Variants in ARHGAP8 observed in about 807,000 individuals in gnomAD.
ARHGAP8 encodes Rho GTPase activating protein 8, also known as rho GTPase-activating protein 8.
In ARHGAP8, 62 loss-of-function variants were observed where a neutral mutation model predicts 46.1. The observed-to-expected ratio is 1.34, with a 90% CI of 1.10 to 1.66. The LOEUF is 1.66. ARHGAP8 is among the 40% of genes most tolerant of loss of function. The probability of loss-of-function intolerance (pLI) is 0.00; values close to 1 mark genes in which losing one functional copy is unlikely to be tolerated. For synonymous variants in ARHGAP8, 375 were observed against 243.1 expected (o/e 1.54, Z -5.05); for missense variants, 923 against 568.4 (o/e 1.62, Z -6.34).
intron 7 of ARHGAP8, among the ~76,000 whole-genome samples, chr22:44,829,781 C>T (rs1455345587): frequency 6.6e-6 from 1 of 152,158 alleles, no homozygotes; most frequent in Non-Finnish European, 1.5e-5. Flanking sequence ...TGTTAATTTG[C>T]CAAGTTCAAA....
At chr22:44,849,876 G>C (rs895688539) in intron 10 of ARHGAP8, 3 of 152,162 alleles carry the variant, frequency 2.0e-5, no homozygotes, top group African/African-American at 7.2e-5. Context: ...CCTTTGTCCT[G>C]GCCCCTGGGG....
chr22:44,790,488 C>T (rs183419626), intron 2 of ARHGAP8, among the ~76,000 whole-genome samples: 67 of 151,820 alleles, frequency 4.4e-4, no homozygotes, highest in African/African-American at 1.6e-3. Context: ...CCAGCCTGCC[C>T]AACATGGTGA....
At chr22:44,773,321 C>G (rs1302571983) in intron 1 of ARHGAP8, among the ~76,000 whole-genome samples, 1 of 152,194 alleles carries the variant, frequency 6.6e-6, no homozygotes, top group Admixed American at 6.5e-5. Context: ...GTGATGTCTC[C>G]TGTCTCAAGA....
intron 4 of ARHGAP8, 57 bp from the exon 5 acceptor site, chr22:44,814,615 C>G: frequency 2.0e-6 from 3 of 1,496,188 alleles, no homozygotes; most frequent in Non-Finnish European, 2.8e-6. Context: ...GGTTATTGGG[C>G]GTGGGGTGTT....
At chr22:44,761,779 A>T (rs887291045) in intron 1 of ARHGAP8, among the ~76,000 whole-genome samples, 1 of 152,334 alleles carries the variant, frequency 6.6e-6, no homozygotes, top group East Asian at 1.9e-4. Flanking sequence ...AAAGAGGTTT[A>T]ATTGACTTAC....
At chr22:44,846,069 G>A (rs559405607) in intron 8 of ARHGAP8, among the ~76,000 whole-genome samples, 22 of 151,604 alleles carry the variant, frequency 1.5e-4, no homozygotes, top group South Asian at 2.1e-4. Context: ...TCCAGAGCTC[G>A]GCTCAACAGT....
At chr22:44,832,090 A>G (rs1483313434) in intron 7 of ARHGAP8, among the ~76,000 whole-genome samples, 1 of 151,972 alleles carries the variant, frequency 6.6e-6, no homozygotes, top group East Asian at 1.9e-4. Flanking sequence ...ATCCATGAAC[A>G]TGGGATGTCT....
chr22:44,812,262 C>A (rs1929386753), intron 4 of ARHGAP8, among the ~76,000 whole-genome samples: 2 of 152,010 alleles, frequency 1.3e-5, no homozygotes, highest in Non-Finnish European at 2.9e-5. Flanking sequence ...CAGGGTGAAC[C>A]TTGCAGCAGC....
intron 11 of ARHGAP8, among the ~76,000 whole-genome samples, chr22:44,861,141 TTTG>T (rs1485612667): frequency 6.6e-6 from 1 of 152,028 alleles, no homozygotes; most frequent in Non-Finnish European, 1.5e-5. Flanking sequence ...CCGGCTAATT[TTTG>T]TTTTTTTAGT....
intron 1 of ARHGAP8, among the ~76,000 whole-genome samples, chr22:44,762,241 C>T (rs1437200091): frequency 1.3e-5 from 2 of 152,060 alleles, no homozygotes; most frequent in Non-Finnish European, 2.9e-5. Flanking sequence ...AGTTTGAGAC[C>T]AGTTTGGGCA....
In ARHGAP8 at chr22:44,786,537, C is replaced by CATTCTCCTGCCTCAGCCTCCCAGGTAGCT; in HGVS notation, c.11_12insTTCTCCTGCCTCAGCCTCCCAGGTAGCTA (p.Gln4HisfsTer15). ...GCCCTCGGTGGTGCCCATGGCTGGCCAGGATCCTGCGCTGAGCACGAGTCA... is the reference window on the plus strand; with the variant it reads ...GCCCTCGGTGGTGCCCATGGCTGGCCATTCTCCTGCCTCAGCCTCCCAGGTAGCTAGGATCCTGCGCTGAGCACGAGTCA... On this transcript the variant is annotated frameshift_variant, in exon 2 of 12. Transcript: ENST00000356099. LOFTEE classifies it high-confidence loss of function. The CATTCTCCTGCCTCAGCCTCCCAGGTAGCT allele has an allele frequency of 6.2e-7, 1 of 1,611,108 alleles. No individual in the cohort carries two copies. Among genetic ancestry groups the CATTCTCCTGCCTCAGCCTCCCAGGTAGCT allele is most frequent in the Non-Finnish European group, 8.5e-7 (1 of 1,179,132 alleles).
At chr22:44,785,665 A>G (rs5766006) in intron 1 of ARHGAP8, among the ~76,000 whole-genome samples, 136,971 of 152,234 alleles carry the variant, frequency 0.9, 61,801 homozygotes, top group Non-Finnish European at 0.94. Flanking sequence ...TACACCTGGG[A>G]TCCTACATCT....
intron 7 of ARHGAP8, among the ~76,000 whole-genome samples, chr22:44,844,258 C>A (rs1569175726): frequency 6.6e-6 from 1 of 152,136 alleles, no homozygotes. Context: ...GCGTGAGCTA[C>A]TGTGCCCGGC....
chr22:44,803,208 G>T (rs1272574173), intron 3 of ARHGAP8, among the ~76,000 whole-genome samples: 1 of 152,122 alleles, frequency 6.6e-6, no homozygotes, highest in Non-Finnish European at 1.5e-5. Flanking sequence ...GGGTGCCTGG[G>T]CCCCATGTCC....
rs148047033 is a variant in ARHGAP8 at position 44,798,251 on chromosome 22, C to A, written c.80-3826C>A. ...TCGGCCTCCCAAAGTGCTGGAATTACATGAGTGAGCCACTGCACCTGGCCA... is the reference window on the plus strand; with the variant it reads ...TCGGCCTCCCAAAGTGCTGGAATTAAATGAGTGAGCCACTGCACCTGGCCA... On this transcript the variant is annotated intron_variant, in intron 2 of 11. Coordinates refer to ENST00000356099, the MANE Select transcript of ARHGAP8 (RefSeq NM_181335.3). 4.2e-3 allele frequency among the ~76,000 whole-genome samples: 633 copies of A among 152,154 alleles called. 11 individuals are homozygous for A. The East Asian group carries it at 0.058, about 14-fold the overall frequency.
intron 10 of ARHGAP8, 68 bp from the exon 11 acceptor site, chr22:44,859,663 C>G (rs764538826): frequency 6.4e-6 from 10 of 1,563,834 alleles, no homozygotes; most frequent in African/African-American, 1.4e-5. Flanking sequence ...CTGTTCTCCT[C>G]CCGGGCCGGG....
At chr22:44,846,097 C>T (rs2069948810) in intron 8 of ARHGAP8, among the ~76,000 whole-genome samples, 1 of 152,178 alleles carries the variant, frequency 6.6e-6, no homozygotes, top group Admixed American at 6.5e-5. Flanking sequence ...TCAGGGAATC[C>T]CCCTAACATG....
intron 3 of ARHGAP8, among the ~76,000 whole-genome samples, chr22:44,805,335 TCA>T (rs1168997346): frequency 6.6e-6 from 1 of 152,240 alleles, no homozygotes; most frequent in Non-Finnish European, 1.5e-5. Context: ...TGAACAGGTC[TCA>T]GTTTTCTTTT....
At chr22:44,789,920 C>T (rs1322899036) in intron 2 of ARHGAP8, among the ~76,000 whole-genome samples, 2 of 152,194 alleles carry the variant, frequency 1.3e-5, no homozygotes, top group African/African-American at 4.8e-5. Flanking sequence ...TGTGCCTCTT[C>T]CATCCTTTTT....
Sources: allele counts gnomAD v4.1 joint callset (sites outside exome capture counted in the v4.1 genomes callset), GRCh38; gene constraint gnomAD v4.1.1; transcripts MANE v1.5; gene names NCBI Gene and HGNC (gene_info 2026-07-23, HGNC 2026-07-21).